Variants in MACF1 observed in about 807,000 individuals in gnomAD.
MACF1 encodes the protein microtubule-actin cross-linking factor 1.
A neutral mutation model predicts 854.8 loss-of-function variants in MACF1; 193 were observed. The observed-to-expected ratio is 0.23, with a 90% CI of 0.20 to 0.25. The LOEUF (loss-of-function observed/expected upper bound fraction) is 0.25, where lower values mean the gene tolerates loss of function less well. MACF1 is among the 10% of genes least tolerant of loss of function. MACF1 has a pLI of 1.00. For missense variants in MACF1, 7,722 were observed against 8,929.1 expected (o/e 0.86, Z 5.45); for synonymous variants, 3,185 against 3,226.7 (o/e 0.99, Z 0.44).
At chr1:39,247,654 C>T (rs1644997372) in intron 2 of MACF1, among the ~76,000 whole-genome samples, 1 of 152,162 alleles carries the variant, frequency 6.6e-6, no homozygotes, top group Non-Finnish European at 1.5e-5. Context: ...TCAGCAAATT[C>T]TACAAGTTTG....
intron 63 of MACF1, 122 bp from the exon 64 acceptor site, chr1:39,429,120 T>G (rs748296709): frequency 1.8e-6 from 1 of 569,990 alleles, no homozygotes. Flanking sequence ...GGATCAAATA[T>G]CTGATGTTTA....
rs1646805375 is a variant in MACF1 at position 39,336,097 on chromosome 1, A to G, written c.9509A>G (p.Glu3170Gly). The change falls in exon 37 of 101, where the codon GAA (glutamate) becomes GGA (glycine). Residue 3170 changes from glutamate (E) to glycine (G), a missense_variant. Coordinates refer to ENST00000564288, the MANE Select transcript of MACF1 (RefSeq NM_001394062.1). ...ATTTCCTCATCTAATGAATGTAAAG[A>G]AAAGTCATACCAAGAAGTATCTTTT... ...HQISSSNECK[E>G]KSYQEVSFDP... 1 of 1,614,014 alleles carries G rather than the reference A, an allele frequency of 6.2e-7. No homozygotes were observed. Among genetic ancestry groups the G allele is most frequent in the Non-Finnish European group, 8.5e-7 (1 of 1,180,000 alleles).
At chr1:39,228,251 A>G (rs1644739000) in intron 1 of MACF1, among the ~76,000 whole-genome samples, 1 of 152,162 alleles carries the variant, frequency 6.6e-6, no homozygotes. Context: ...GCAGAGTTGC[A>G]CTGAGCCGAG....
chr1:39,458,648 G>T, intron 90 of MACF1, 158 bp downstream of exon 90: 1 of 872,216 alleles, frequency 1.1e-6, no homozygotes. Context: ...TTCTTACATT[G>T]ACAGACAGTA....
chr1:39,434,730 G>T, intron 69 of MACF1, 98 bp downstream of exon 69: 1 of 956,132 alleles, frequency 1.0e-6, no homozygotes, highest in Non-Finnish European at 1.6e-6. Context: ...CAAGTTCTGT[G>T]TTACGAAGTT....
chr1:39,329,226 T>C (rs1052003037), intron 36 of MACF1, among the ~76,000 whole-genome samples: 1 of 151,732 alleles, frequency 6.6e-6, no homozygotes, highest in Non-Finnish European at 1.5e-5. Flanking sequence ...TAGAGAAGTC[T>C]GTCAGTTATT....
At chr1:39,464,323 GA>G (rs1333103084) in intron 94 of MACF1, 1 of 152,856 alleles carries the variant, frequency 6.5e-6, no homozygotes, top group Non-Finnish European at 1.5e-5. Flanking sequence ...AAAAATCTAT[GA>G]TTGGCAAAGA....
At chr1:39,100,939 T>A (rs1445773860) in intron 2 of MACF1, among the ~76,000 whole-genome samples, 1 of 152,208 alleles carries the variant, frequency 6.6e-6, no homozygotes, top group South Asian at 2.1e-4. Flanking sequence ...TGTATGTATA[T>A]TTTTAGAGAC....
chr1:39,143,577 A>G (rs972313034), intron 2 of MACF1, among the ~76,000 whole-genome samples: 4 of 152,092 alleles, frequency 2.6e-5, no homozygotes, highest in African/African-American at 9.7e-5. Context: ...CCTGGAGGTT[A>G]CTTATGTTAT....
chr1:39,290,156 T>C (rs1307921227), intron 15 of MACF1, among the ~76,000 whole-genome samples: 3 of 152,222 alleles, frequency 2.0e-5, no homozygotes, highest in Admixed American at 2.0e-4. Context: ...TGTTTTCTTG[T>C]AGTAGTTTCA....
At position 39,385,426 on chromosome 1, in the gene MACF1, T is replaced by C. The variant is rs890055826; in HGVS notation, c.13849-8T>C. 1 of 1,611,790 alleles carries C rather than the reference T, an allele frequency of 6.2e-7. No homozygotes were observed. The highest frequency in any genetic ancestry group is 8.5e-7 in the Non-Finnish European group (1 of 1,178,420). ...TGTCTAAACATCTTGGTGTCATTTC[T>C]ATTTCAGTTTATGCTAAAGGAATTT... On this transcript the variant is annotated splice_region_variant and splice_polypyrimidine_tract_variant and intron_variant, in intron 56 of 100. Transcript: ENST00000564288.
upstream of MACF1, among the ~76,000 whole-genome samples, chr1:39,200,526 G>A (rs1160315311): frequency 1.7e-4 from 25 of 150,000 alleles, no homozygotes; most frequent in African/African-American, 2.5e-5. Flanking sequence ...TGGCAAAACC[G>A]TGTCTCTACT....
intron 40 of MACF1, 83 bp from the exon 41 acceptor site, chr1:39,346,894 G>C (rs999729266): frequency 5.7e-6 from 5 of 877,386 alleles, no homozygotes; most frequent in African/African-American, 1.7e-5. Context: ...TAGCCTCTCT[G>C]ATTCTGTTGG....
chr1:39,394,969 C>T (rs1217881036), intron 58 of MACF1, among the ~76,000 whole-genome samples: 2 of 152,206 alleles, frequency 1.3e-5, no homozygotes, highest in African/African-American at 4.8e-5. Context: ...TTCCTTTCTT[C>T]CTTAAACAAA....
In MACF1 at chr1:39,293,479, A is replaced by C. The variant is rs1353915942; in HGVS notation, c.2014A>C (p.Arg672=). 1 of 1,612,084 alleles carries C rather than the reference A, an allele frequency of 6.2e-7. No individual in the cohort carries two copies. ...CTAGGAAACTTCTAGCTTCCGGATG[A>C]GGCACCTTCAGAGCCTGCATAAATT... ...KLKETSSFRM[R]HLQSLHKFVS... Residue 672 remains arginine, a synonymous_variant, in exon 18 of 101, where the codon AGG becomes CGG. Transcript: ENST00000564288.
intron 2 of MACF1, among the ~76,000 whole-genome samples, chr1:39,234,785 C>T (rs1372398962): frequency 1.5e-4 from 17 of 113,438 alleles, no homozygotes; most frequent in Admixed American, 4.7e-4. Flanking sequence ...CCTCACTTCT[C>T]AGACGGGGCG....
intron 16 of MACF1, 36 bp from the exon 17 acceptor site, chr1:39,292,730 C>G (rs755820430): frequency 9.7e-6 from 14 of 1,438,372 alleles, no homozygotes; most frequent in Non-Finnish European, 1.4e-5. Context: ...CTTACTCTTT[C>G]TCTAATGTAT....
chr1:39,210,366 C>G (rs1442830563), intron 1 of MACF1, among the ~76,000 whole-genome samples: 1 of 151,644 alleles, frequency 6.6e-6, no homozygotes, highest in East Asian at 1.9e-4. Context: ...CTTTTCCATT[C>G]CTTTCCTTTT....
chr1:39,333,024 G>C lies in MACF1; in HGVS notation c.6436G>C (p.Val2146Leu). The part of the protein sequence containing the change: ...PAEAEGVPLV[V>L]DKDVFSVETP... ...TGAGGCGGAAGGTGTGCCGTTGGTG[G>C]TTGACAAAGATGTTTTTTCTGTTGA... Residue 2146 changes from valine to leucine, a missense_variant, in exon 37 of 101, where the codon GTT (valine) becomes CTT (leucine). Val to Leu is a conservative substitution (Grantham distance 32, BLOSUM62 1). This residue lies in a region of MACF1 where 1,531 missense variants were observed against 1,601.6 expected (regional missense o/e 0.96). Coordinates refer to ENST00000564288, the MANE Select transcript of MACF1 (RefSeq NM_001394062.1). The C allele has an allele frequency of 6.2e-7, 1 of 1,614,082 alleles. No individual in the cohort carries two copies. The highest frequency in any genetic ancestry group is 8.5e-7 in the Non-Finnish European group (1 of 1,180,022).
Sources: allele counts gnomAD v4.1 joint callset (sites outside exome capture counted in the v4.1 genomes callset), GRCh38; gene constraint gnomAD v4.1.1; regional missense constraint gnomAD v4.1.1; transcripts MANE v1.5; gene names NCBI Gene and HGNC (gene_info 2026-07-23, HGNC 2026-07-21).